FREM2: variants seen among roughly 807,000 people sequenced by gnomAD.
FREM2 encodes FRAS1 related extracellular matrix 2.
A neutral mutation model predicts 219.9 loss-of-function variants in FREM2; 119 were observed. The observed-to-expected ratio is 0.54, with a 90% confidence interval of 0.47 to 0.63. The LOEUF is 0.63. Among genes scored for constraint, FREM2 ranks in the 30% least tolerant of loss-of-function variants. FREM2 has a pLI of 0.00. For synonymous variants in FREM2, 1,562 were observed against 1,522.8 expected, an observed-to-expected ratio of 1.03 and a Z score of -0.60; for missense variants, 4,030 against 3,993.6, an observed-to-expected ratio of 1.01 and a Z score of -0.25.
chr13:38,688,781 G>A lies in FREM2; in HGVS notation c.1437G>A (p.Val479=), dbSNP rs1246758853. The A allele has an allele frequency of 2.5e-6, 4 of 1,614,108 alleles. No homozygotes were observed. The highest frequency in any genetic ancestry group is 3.4e-6 in the Non-Finnish European group (4 of 1,180,046). Residue 479 remains valine (V), a synonymous_variant, in exon 1 of 24, where the codon GTG becomes GTA. Transcript: ENST00000280481. ...VISDEDDLEA[V]RLEVVAGLRH... is the part of the protein sequence containing the mutation. ...GCGATGAGGATGACCTAGAAGCAGT[G>A]CGGCTAGAGGTGGTGGCTGGGCTCC...
In FREM2 at chr13:38,847,853, G is replaced by A. The variant is rs549070947; in HGVS notation, c.6170-608G>A. 2.6e-5 allele frequency among the ~76,000 whole-genome samples: 4 copies of A among 152,166 alleles called. No individual in the cohort carries two copies. The East Asian group carries it at 7.7e-4, about 29-fold the overall frequency. ...TTTAACTACTTTAGATATAAGTGGA[G>A]GTATCAACACTAGATATAACCCCCT... On this transcript the variant is annotated intron_variant, in intron 7 of 23. Transcript: ENST00000280481.
intron 23 of FREM2, 122 bp downstream of exon 23, chr13:38,879,099 G>A: frequency 4.2e-6 from 4 of 957,954 alleles, no homozygotes; most frequent in Non-Finnish European, 6.8e-6. Flanking sequence ...TACAGTTAAT[G>A]GGAACATTGA....
intron 6 of FREM2, among the ~76,000 whole-genome samples, chr13:38,828,749 A>G (rs1389466609): frequency 1.3e-5 from 2 of 152,030 alleles, no homozygotes; most frequent in Non-Finnish European, 2.9e-5. Context: ...AAAAATTTTA[A>G]GAGACTATAT....
chr13:38,691,162 AGG>A lies in FREM2; in HGVS notation c.3819_3820del (p.Glu1274ArgfsTer6). The A allele has an allele frequency of 6.2e-7, 1 of 1,614,154 alleles. No individual in the cohort carries two copies. The highest frequency in any genetic ancestry group is 8.5e-7 in the Non-Finnish European group (1 of 1,180,016). On this transcript the variant is annotated frameshift_variant, in exon 1 of 24. Transcript: ENST00000280481. LOFTEE classifies it high-confidence loss of function. ...TATGAGCATGATGACTCCGAGACCCAGGAAGACAGTTTTGTGATTAAACTAAC... is the reference window on the plus strand; with the variant it reads ...TATGAGCATGATGACTCCGAGACCCAAAGACAGTTTTGTGATTAAACTAAC...
chr13:38,736,398 A>G (rs984433839), intron 2 of FREM2, among the ~76,000 whole-genome samples: 1 of 152,242 alleles, frequency 6.6e-6, no homozygotes, highest in African/African-American at 2.4e-5. Context: ...CTGATAGATC[A>G]TCAAAACCTC....
Position 38,697,694 on chromosome 13 carries a change from C to T in FREM2, c.5174-4C>T. ...AATCATCTTGTTTTTTGGTTATTTTCTAGCTGACATTGATGACATGAAAAT... is the reference window on the plus strand; with the variant it reads ...AATCATCTTGTTTTTTGGTTATTTTTTAGCTGACATTGATGACATGAAAAT... On this transcript the variant is annotated splice_region_variant and splice_polypyrimidine_tract_variant and intron_variant, in intron 1 of 23. Transcript: ENST00000280481. The T allele has an allele frequency of 6.5e-7, 1 of 1,547,610 alleles. No individual in the cohort carries two copies. Among genetic ancestry groups the T allele is most frequent in the Non-Finnish European group, 8.9e-7 (1 of 1,119,492 alleles).
intron 2 of FREM2, among the ~76,000 whole-genome samples, chr13:38,742,687 C>G (rs563183333): frequency 6.6e-6 from 1 of 152,162 alleles, no homozygotes; most frequent in Admixed American, 6.5e-5. Context: ...TGGGGCTTCC[C>G]AGTGAGGTAG....
intron 8 of FREM2, 87 bp downstream of exon 8, chr13:38,848,757 A>T (rs1032419630): frequency 4.1e-6 from 5 of 1,220,240 alleles, no homozygotes; most frequent in South Asian, 1.3e-5. Flanking sequence ...AGATGATTAT[A>T]TATATTTGTT....
chr13:38,838,788 C>T (rs556915039), intron 6 of FREM2, among the ~76,000 whole-genome samples: 3 of 152,156 alleles, frequency 2.0e-5, no homozygotes, highest in South Asian at 2.1e-4. Context: ...ACGAAGTTCT[C>T]GTGCTGTGTT....
intron 6 of FREM2, among the ~76,000 whole-genome samples, chr13:38,813,113 T>C (rs1423816332): frequency 1.3e-5 from 2 of 152,140 alleles, no homozygotes; most frequent in Non-Finnish European, 2.9e-5. Context: ...TACAGTGTTA[T>C]ACTATTCTGT....
intron 14 of FREM2, 65 bp downstream of exon 14, chr13:38,859,655 T>G (rs1315314990): frequency 4.3e-6 from 6 of 1,394,726 alleles, no homozygotes; most frequent in Non-Finnish European, 4.0e-6. Context: ...AATGTCTACT[T>G]TCTGGTTATT....
intron 2 of FREM2, among the ~76,000 whole-genome samples, chr13:38,722,228 CA>C (rs1871303497): frequency 1.3e-5 from 2 of 151,666 alleles, no homozygotes; most frequent in African/African-American, 4.8e-5. Context: ...TTTAAAAAAA[CA>C]AAAAAATTAA....
intron 1 of FREM2, among the ~76,000 whole-genome samples, chr13:38,696,259 T>C (rs1870101815): frequency 6.6e-6 from 1 of 152,224 alleles, no homozygotes; most frequent in South Asian, 2.1e-4. Flanking sequence ...ATTCTGCAAG[T>C]GTTCCTAATA....
At chr13:38,749,918 C>T (rs1872665938) in intron 2 of FREM2, among the ~76,000 whole-genome samples, 1 of 152,142 alleles carries the variant, frequency 6.6e-6, no homozygotes, top group Non-Finnish European at 1.5e-5. Context: ...AAAATGCCAC[C>T]TGCATTTTAT....
chr13:38,759,650 A>T (rs111900392), intron 2 of FREM2, among the ~76,000 whole-genome samples: 1 of 152,198 alleles, frequency 6.6e-6, no homozygotes, highest in Non-Finnish European at 1.5e-5. Flanking sequence ...ATGGACTTTA[A>T]TTTTTTTCCA....
Position 38,881,190 on chromosome 13 carries a change from T to G in FREM2, c.*403T>G. On this transcript the variant is annotated 3_prime_UTR_variant, in exon 24 of 24. Coordinates refer to ENST00000280481, the MANE Select transcript of FREM2 (RefSeq NM_207361.6). Reference sequence around the variant, plus strand: ...AAGGTGCAATTATCACATTGTTTATTAATTGTATAACAGATTATTACTAGA... The same window carrying G: ...AAGGTGCAATTATCACATTGTTTATGAATTGTATAACAGATTATTACTAGA... 1 of 285,406 alleles carries G rather than the reference T, an allele frequency of 3.5e-6. No homozygotes were observed. Among genetic ancestry groups the G allele is most frequent in the South Asian group, 3.7e-5 (1 of 26,798 alleles). 17.7% of individuals were successfully genotyped at this position (285,406 alleles called of 1,614,324 possible). A position where few individuals can be genotyped will look rare whatever the true frequency, so the allele number is the denominator to read the frequency against.
chr13:38,816,020 A>C (rs1192336241), intron 6 of FREM2, among the ~76,000 whole-genome samples: 1 of 152,212 alleles, frequency 6.6e-6, no homozygotes, highest in Non-Finnish European at 1.5e-5. Context: ...CAACCTGTCA[A>C]GATTGAACCA....
In FREM2 at chr13:38,690,819, G is replaced by A. The variant is rs1869805958; in HGVS notation, c.3475G>A (p.Val1159Met). 4 of 1,614,018 alleles carry A rather than the reference G, an allele frequency of 2.5e-6. No homozygotes were observed. In the South Asian group the frequency reaches 4.4e-5, roughly 18 times the overall value. Reference sequence around the variant, plus strand: ...GAGTGTCCATAAAGGGGTGGAACCTGTGGAGGACCGATTTGTATTTCGTTG... The same window carrying A: ...GAGTGTCCATAAAGGGGTGGAACCTATGGAGGACCGATTTGTATTTCGTTG... ...VQSVHKGVEPVEDRFVFRCSD... is the reference protein window; with the variant it reads ...VQSVHKGVEPMEDRFVFRCSD... The change falls in exon 1 of 24, where the codon GTG becomes ATG. Residue 1159 changes from valine to methionine, a missense_variant. Physicochemically the swap from Val to Met is conservative, Grantham distance 21. Transcript: ENST00000280481.
At chr13:38,698,286 A>G (rs989135644) in intron 2 of FREM2, among the ~76,000 whole-genome samples, 2 of 152,154 alleles carry the variant, frequency 1.3e-5, no homozygotes, top group Non-Finnish European at 2.9e-5. Flanking sequence ...TTATCTCACC[A>G]ATCTCAGGAC....
Sources: gnomAD v4.1 joint callset for allele counts (sites outside exome capture counted in the v4.1 genomes callset) on GRCh38, gnomAD v4.1.1 for gene constraint, MANE v1.5 for transcripts, NCBI Gene and HGNC (gene_info 2026-07-23, HGNC 2026-07-21) for gene names.